The following UGT1A9 variants were observed in gnomAD, a reference collection of about 807,000 sequenced individuals.
UGT1A9 encodes UDP-glucuronosyltransferase 1A9.
A neutral mutation model predicts 45.0 loss-of-function variants in UGT1A9; 35 were observed. The observed-to-expected ratio is 0.78, with a 90% CI of 0.59 to 1.03. The LOEUF is 1.03. Ranked by LOEUF, UGT1A9 falls within the 50% of genes least tolerant of loss-of-function variation. UGT1A9 has a pLI of 0.00. For synonymous variants in UGT1A9, 278 were observed against 250.6 expected (o/e 1.11, Z -1.03); for missense variants, 687 against 666.6 (o/e 1.03, Z -0.34).
chr2:233,689,964 AG>A (rs2074968353), intron 1 of UGT1A9: 1 of 456,150 alleles, frequency 2.2e-6, no homozygotes, highest in Non-Finnish European at 4.4e-6. Flanking sequence ...CCATGCTTGG[AG>A]GAACCCACAG....
At position 233,718,809 on chromosome 2, in the gene UGT1A9, G is replaced by T. The variant is rs747487357; in HGVS notation, c.855+46020G>T. The T allele has an allele frequency of 3.7e-5, 60 of 1,613,336 alleles. 1 individual carries two copies. The highest frequency in any genetic ancestry group is 1.5e-4 in the African/African-American group (11 of 75,040). On this transcript the variant is annotated intron_variant, in intron 1 of 4. Transcript: ENST00000354728. ...TGGGGTGGACAGTCAGCTGTCGGTG[G>T]CTTCTGCTGAGATGGCCAGAGGACT...
chr2:233,727,661 T>A (rs1292890743), intron 1 of UGT1A9, among the ~76,000 whole-genome samples: 1 of 152,208 alleles, frequency 6.6e-6, no homozygotes, highest in Non-Finnish European at 1.5e-5. Flanking sequence ...TAGTGCTCTA[T>A]GTCCTTACAA....
rs145403444 is a variant in UGT1A9 at position 233,729,793 on chromosome 2, A to G, written c.856-37241A>G. ...GCTCTACCCTCTGGCCCTGTCCTAC[A>G]TTTGCCATGCTTTTTCTGCTCCTTA... On this transcript the variant is annotated intron_variant, in intron 1 of 4. Coordinates refer to ENST00000354728, the MANE Select transcript of UGT1A9 (RefSeq NM_021027.3). The G allele has an allele frequency of 5.0e-6, 8 of 1,613,536 alleles. No individual in the cohort carries two copies. In the African/African-American group the frequency reaches 9.4e-5, roughly 19 times the overall value.
At chr2:233,693,089 C>CACTTTGGGGCA in intron 1 of UGT1A9, 2 of 1,614,140 alleles carry the variant, frequency 1.2e-6, no homozygotes, top group Non-Finnish European at 1.7e-6. Context: ...AGGTGACAAG[C>CACTTTGGGGCA]TGCTGGTGGT....
Position 233,767,097 on chromosome 2 carries a change from A to G in UGT1A9, c.919A>G (p.Met307Val), listed in dbSNP as rs1699317728. ...HGIVVFSLGS[M>V]VSEIPEKKAM... The stretch of plus-strand genomic sequence containing the variant: ...AATTGTGGTTTTCTCTTTGGGATCA[A>G]TGGTCTCAGAAATTCCAGAGAAGAA... The change falls in exon 2 of 5, where the codon ATG becomes GTG. Residue 307 changes from methionine (M) to valine (V), a missense_variant. Transcript: ENST00000354728. 1 of 1,614,142 alleles carries G rather than the reference A, an allele frequency of 6.2e-7. No individual in the cohort carries two copies. Among genetic ancestry groups the G allele is most frequent in the Non-Finnish European group, 8.5e-7 (1 of 1,180,030 alleles).
rs1035578503 is a variant in UGT1A9 at position 233,760,453 on chromosome 2, G to C, written c.856-6581G>C. 3 of 1,614,120 alleles carry C rather than the reference G, an allele frequency of 1.9e-6. No individual in the cohort carries two copies. The African/African-American group carries it at 4.0e-5, about 22-fold the overall frequency. ...CCAGCAGCTGCAGCAGAGGGGACAT[G>C]AAATAGTTGTCCTAGCACCTGACGC... On this transcript the variant is annotated intron_variant, in intron 1 of 4. Transcript: ENST00000354728.
intron 1 of UGT1A9, among the ~76,000 whole-genome samples, chr2:233,724,870 T>C (rs1288208202): frequency 1.6e-5 from 2 of 128,160 alleles, no homozygotes; most frequent in African/African-American, 6.8e-5. Context: ...TAGGTTGTAG[T>C]GAGCGGAGAT....
At chr2:233,714,115 C>T (rs575148035) in intron 1 of UGT1A9, among the ~76,000 whole-genome samples, 6 of 152,210 alleles carry the variant, frequency 3.9e-5, no homozygotes, top group African/African-American at 1.4e-4. Context: ...GTGTGACTCA[C>T]GGAGACTGTT....
intron 1 of UGT1A9, among the ~76,000 whole-genome samples, chr2:233,736,744 G>A (rs1355723073): frequency 6.6e-6 from 1 of 152,214 alleles, no homozygotes; most frequent in Non-Finnish European, 1.5e-5. Context: ...GTTCCTTTCT[G>A]TTTGTTAGTT....
intron 4 of UGT1A9, 75 bp from the exon 5 acceptor site, chr2:233,772,187 G>A: frequency 6.3e-7 from 1 of 1,594,510 alleles, no homozygotes; most frequent in South Asian, 1.1e-5. Flanking sequence ...GTCTTCTTAA[G>A]CAGCCATGAG....
At position 233,759,745 on chromosome 2, in the gene UGT1A9, A is replaced by G. The variant is rs1303166455; in HGVS notation, c.856-7289A>G. Among the ~76,000 whole-genome samples the G allele has an allele frequency of 2.6e-5, 4 of 152,196 alleles. No homozygotes were observed. The East Asian group carries it at 7.7e-4, about 29-fold the overall frequency. ...CTCTGCTGCAGCCTCAAGACCCCAC[A>G]CTGTGCTGGACTCAATAAATATTGT... On this transcript the variant is annotated intron_variant, in intron 1 of 4. Transcript: ENST00000354728.
In UGT1A9 at chr2:233,682,571, A is replaced by G. The variant is rs193199170; in HGVS notation, c.855+9782A>G. The G allele has an allele frequency of 5.0e-6, 8 of 1,613,942 alleles. No homozygotes were observed. The Admixed American group carries it at 5.0e-5, about 10-fold the overall frequency. ...CAAGGAGAGAGTATGGAACCACATC[A>G]TGCACTTGGAGGAACATTTATTTTG... On this transcript the variant is annotated intron_variant, in intron 1 of 4. Transcript: ENST00000354728.
At chr2:233,738,845 C>T (rs1366677682) in intron 1 of UGT1A9, 1 of 152,224 alleles carries the variant, frequency 6.6e-6, no homozygotes, top group Admixed American at 6.5e-5. Flanking sequence ...AAATGTTAAT[C>T]ACCAAGACAA....
intron 1 of UGT1A9, among the ~76,000 whole-genome samples, chr2:233,736,630 T>C (rs2078786520): frequency 1.3e-5 from 2 of 152,252 alleles, no homozygotes; most frequent in African/African-American, 4.8e-5. Flanking sequence ...TTTTCTGCTC[T>C]AGTTTCCCCC....
rs1007277466 is a variant in UGT1A9 at position 233,747,537 on chromosome 2, A to G, written c.856-19497A>G. On this transcript the variant is annotated intron_variant, in intron 1 of 4. Coordinates refer to ENST00000354728, the MANE Select transcript of UGT1A9 (RefSeq NM_021027.3). ...CTTTGAAACAGAACATTTTCTGAAG[A>G]CATTTTCTAAAAGTATGGCAATTTT... The G allele has an allele frequency of 2.1e-5, 33 of 1,604,828 alleles. No individual in the cohort carries two copies. The Admixed American group carries it at 5.3e-4, about 26-fold the overall frequency.
chr2:233,726,034 C>T (rs1279276362), intron 1 of UGT1A9, among the ~76,000 whole-genome samples: 3 of 152,170 alleles, frequency 2.0e-5, no homozygotes, highest in East Asian at 1.9e-4. Flanking sequence ...GGTGTGATGG[C>T]GCACACCTGT....
Position 233,746,095 on chromosome 2 carries a change from T to C in UGT1A9, c.856-20939T>C, listed in dbSNP as rs1329833739. On this transcript the variant is annotated intron_variant, in intron 1 of 4. Coordinates refer to ENST00000354728, the MANE Select transcript of UGT1A9 (RefSeq NM_021027.3). Reference sequence around the variant, plus strand: ...GAGGAGTCACTTCTATACAGAAACATGTCCAGAGTGCTTACTGTCTGCAAA... The same window carrying C: ...GAGGAGTCACTTCTATACAGAAACACGTCCAGAGTGCTTACTGTCTGCAAA... Among the ~76,000 whole-genome samples the C allele has an allele frequency of 2.0e-5, 3 of 151,920 alleles. No homozygotes were observed. The East Asian group carries it at 5.8e-4, about 29-fold the overall frequency.
chr2:233,704,120 A>G (rs1015363389), intron 1 of UGT1A9, among the ~76,000 whole-genome samples: 1 of 151,672 alleles, frequency 6.6e-6, no homozygotes, highest in African/African-American at 2.4e-5. Flanking sequence ...CAAACTCCTT[A>G]CCTCAAGTGA....
At chr2:233,719,789 A>T in intron 1 of UGT1A9, 1 of 1,609,250 alleles carries the variant, frequency 6.2e-7, no homozygotes, top group South Asian at 1.1e-5. Context: ...CTTTCCAAAG[A>T]TTTTATTTTG....
Sources: allele counts gnomAD v4.1 joint callset (sites outside exome capture counted in the v4.1 genomes callset), GRCh38; gene constraint gnomAD v4.1.1; transcripts MANE v1.5; gene names NCBI Gene and HGNC (gene_info 2026-07-23, HGNC 2026-07-21).